The following LRP2 variants were observed in gnomAD, a reference collection of about 807,000 sequenced individuals.
LRP2 encodes LDL receptor related protein 2.
LRP2 carries 172 observed loss-of-function variants against 531.0 expected under a neutral mutation model. The observed-to-expected ratio is 0.32, with a 90% CI of 0.29 to 0.37. The LOEUF is 0.37. LRP2 is among the 10% of genes least tolerant of loss of function. The probability of loss-of-function intolerance (pLI) is 1.00; values close to 1 mark genes in which losing one functional copy is unlikely to be tolerated. For missense variants in LRP2, 5,167 were observed against 5,868.3 expected, an observed-to-expected ratio of 0.88 and a Z score of 3.90; for synonymous variants, 1,992 against 2,027.6, an observed-to-expected ratio of 0.98 and a Z score of 0.47.
chr2:169,310,849 T>C (rs1421247624), intron 3 of LRP2, among the ~76,000 whole-genome samples: 1 of 152,228 alleles, frequency 6.6e-6, no homozygotes, highest in African/African-American at 2.4e-5. Context: ...TTTTGGTTGG[T>C]AGCCTCTTAA....
At chr2:169,262,580 T>C (rs1412269522) in intron 16 of LRP2, among the ~76,000 whole-genome samples, 1 of 149,816 alleles carries the variant, frequency 6.7e-6, no homozygotes, top group African/African-American at 2.4e-5. Flanking sequence ...AAACCACTGC[T>C]CAATGAAATA....
chr2:169,272,254 G>C (rs547448292), intron 15 of LRP2, among the ~76,000 whole-genome samples: 29 of 152,190 alleles, frequency 1.9e-4, no homozygotes, highest in African/African-American at 7.0e-4. Context: ...CTGGGGCCCA[G>C]GCGATGGCTT....
chr2:169,203,246 G>A (rs773753954), intron 42 of LRP2, among the ~76,000 whole-genome samples: 23 of 152,156 alleles, frequency 1.5e-4, no homozygotes, highest in Non-Finnish European at 2.6e-4. Flanking sequence ...ACATCTTCCC[G>A]TGAATTTGTT....
At chr2:169,243,569 C>G in intron 22 of LRP2, 47 bp from the exon 23 acceptor site, 1 of 1,612,502 alleles carries the variant, frequency 6.2e-7, no homozygotes, top group South Asian at 1.1e-5. Flanking sequence ...TCCTGTGCAA[C>G]AAGTACCAGA....
chr2:169,138,635 ATGTT>A lies in LRP2; in HGVS notation c.13456_13459del (p.Asn4486TrpfsTer20). The A allele has an allele frequency of 1.2e-6, 2 of 1,614,012 alleles. No individual in the cohort carries two copies. Among genetic ancestry groups the A allele is most frequent in the Admixed American group, 3.3e-5 (2 of 60,014 alleles). On this transcript the variant is annotated frameshift_variant, in exon 75 of 79. Coordinates refer to ENST00000649046, the MANE Select transcript of LRP2 (RefSeq NM_004525.3). LOFTEE classifies it high-confidence loss of function. ...TCCAAAACCAGACACTCCAATATCCATGTTAAGATCTGCCCCTGATCTGAAGGTC... is the reference window on the plus strand; with the variant it reads ...TCCAAAACCAGACACTCCAATATCCAAAGATCTGCCCCTGATCTGAAGGTC...
intron 74 of LRP2, among the ~76,000 whole-genome samples, 189 bp from the exon 75 acceptor site, chr2:169,138,895 T>G (rs552294525): frequency 2.0e-5 from 3 of 152,172 alleles, no homozygotes; most frequent in African/African-American, 7.2e-5. Flanking sequence ...CCTGGAAACG[T>G]TAAAGCACAT....
chr2:169,167,598 T>C (rs1686830368), intron 61 of LRP2, among the ~76,000 whole-genome samples: 3 of 152,268 alleles, frequency 2.0e-5, no homozygotes, highest in South Asian at 4.1e-4. Flanking sequence ...TTTGAGTTAA[T>C]GCCTTTCCTT....
intron 77 of LRP2, among the ~76,000 whole-genome samples, chr2:169,130,180 A>G (rs562577739): frequency 1.4e-3 from 210 of 152,342 alleles, no homozygotes; most frequent in African/African-American, 4.7e-3. Flanking sequence ...GGCTAACTTG[A>G]AGTTAAGCAA....
At chr2:169,309,076 T>A (rs1248345143) in intron 3 of LRP2, among the ~76,000 whole-genome samples, 1 of 152,220 alleles carries the variant, frequency 6.6e-6, no homozygotes, top group Non-Finnish European at 1.5e-5. Flanking sequence ...GGTTGTTTGT[T>A]TTTTTCTTGT....
intron 54 of LRP2, among the ~76,000 whole-genome samples, chr2:169,176,101 T>G (rs1241409234): frequency 6.6e-6 from 1 of 152,206 alleles, no homozygotes; most frequent in Non-Finnish European, 1.5e-5. Flanking sequence ...CTAGGGACAA[T>G]TTTTCAGTAT....
At chr2:169,178,309 G>A (rs531503124) in intron 52 of LRP2, among the ~76,000 whole-genome samples, 28 of 152,256 alleles carry the variant, frequency 1.8e-4, no homozygotes, top group African/African-American at 5.3e-4. Context: ...GCTTTCCTGC[G>A]GATGAAGCTG....
intron 3 of LRP2, among the ~76,000 whole-genome samples, chr2:169,308,409 T>A (rs1356684339): frequency 6.6e-6 from 1 of 152,102 alleles, no homozygotes; most frequent in Non-Finnish European, 1.5e-5. Flanking sequence ...TTTGTGATGT[T>A]CCCCATCCTG....
At chr2:169,291,105 A>G in intron 7 of LRP2, 108 bp from the exon 8 acceptor site, 1 of 929,032 alleles carries the variant, frequency 1.1e-6, no homozygotes, top group Non-Finnish European at 1.7e-6. Flanking sequence ...AGAGAAATCT[A>G]TAAATGATCT....
At chr2:169,248,518 C>T (rs1276398259) in intron 19 of LRP2, among the ~76,000 whole-genome samples, 1 of 152,208 alleles carries the variant, frequency 6.6e-6, no homozygotes, top group Non-Finnish European at 1.5e-5. Flanking sequence ...CTGTGTGGTG[C>T]ACAATCAAGA....
intron 63 of LRP2, among the ~76,000 whole-genome samples, chr2:169,158,061 T>TACACACACACACACACAC (rs61381788): frequency 1.5e-4 from 21 of 141,476 alleles, no homozygotes; most frequent in East Asian, 8.3e-4. Flanking sequence ...ATTGATTATA[T>TACACACACACACACACAC]ACACACACAC....
rs1241361657 is a variant in LRP2, at chr2:169,362,529, A to G, written c.-130T>C. 6.2e-6 allele frequency: 5 copies of G among 812,372 alleles called. No individual in the cohort carries two copies. The highest frequency in any genetic ancestry group is 1.0e-5 in the Non-Finnish European group (5 of 494,582). 50.3% of individuals were successfully genotyped at this position (812,372 alleles called of 1,614,324 possible). On this transcript the variant is annotated 5_prime_UTR_variant, in exon 1 of 79. Transcript: ENST00000649046. Reference sequence around the variant, plus strand: ...ACCTCCGCCAGCTCCTAGTGGCCAAAAGCCTGCCCCCACGCCCGAGGCATC... The same window carrying G: ...ACCTCCGCCAGCTCCTAGTGGCCAAGAGCCTGCCCCCACGCCCGAGGCATC...
chr2:169,290,935 G>T lies in LRP2; in HGVS notation c.832C>A (p.Arg278=), dbSNP rs1358532875. The T allele has an allele frequency of 1.2e-6, 2 of 1,613,940 alleles. No individual in the cohort carries two copies. Among genetic ancestry groups the T allele is most frequent in the South Asian group, 1.1e-5 (1 of 91,072 alleles). The stretch of plus-strand genomic sequence containing the variant: ...CAAACTTTATAAATGGAGATGCATC[G>T]TCCCGACTCTGGGCAAGACCATTCT... ...PREWSCPESG[R]CISIYKVCDG... The change falls in exon 8 of 79, where the codon CGA becomes AGA. Residue 278 remains arginine, a synonymous_variant. Coordinates refer to ENST00000649046, the MANE Select transcript of LRP2 (RefSeq NM_004525.3).
chr2:169,206,089 C>A lies in LRP2; in HGVS notation c.7490G>T (p.Gly2497Val). The A allele has an allele frequency of 6.2e-7, 1 of 1,614,134 alleles. No homozygotes were observed. Among genetic ancestry groups the A allele is most frequent in the Non-Finnish European group, 8.5e-7 (1 of 1,180,030 alleles). Reference sequence around the variant, plus strand: ...GCGGGCTATCACAGTGCGGTTAGACCCATCTTCAGCCATGGAATTAATCAT... The same window carrying A: ...GCGGGCTATCACAGTGCGGTTAGACACATCTTCAGCCATGGAATTAATCAT... ...NQMINSMAED[G>V]SNRTVIARVP... The change falls in exon 40 of 79, where the codon GGG becomes GTG. Residue 2497 changes from glycine to valine, a missense_variant. This residue lies in a region of LRP2 where 1,129 missense variants were observed against 1,362.7 expected (regional missense o/e 0.83). Coordinates refer to ENST00000649046, the MANE Select transcript of LRP2 (RefSeq NM_004525.3).
chr2:169,206,107 T>A lies in LRP2; in HGVS notation c.7472A>T (p.Asn2491Ile), dbSNP rs754565386. ...GTTAGACCCATCTTCAGCCATGGAATTAATCATCTGGTTGAGGTAGTCACT... is the reference window on the plus strand; with the variant it reads ...GTTAGACCCATCTTCAGCCATGGAAATAATCATCTGGTTGAGGTAGTCACT... ...YYSDYLNQMINSMAEDGSNRT... is the reference protein window; with the variant it reads ...YYSDYLNQMIISMAEDGSNRT... Residue 2491 changes from asparagine to isoleucine, a missense_variant, in exon 40 of 79, where the codon AAT becomes ATT. Physicochemically the swap from Asn to Ile is moderately radical, Grantham distance 149. Around this residue, in one of 6 missense-constraint regions of LRP2, gnomAD observed 1,129 missense variants for 1,362.7 expected, o/e 0.83. Coordinates refer to ENST00000649046, the MANE Select transcript of LRP2 (RefSeq NM_004525.3). 30 of 1,614,114 alleles carry A rather than the reference T, an allele frequency of 1.9e-5. 1 individual carries two copies. In the Admixed American group the frequency reaches 4.8e-4, roughly 26 times the overall value.
Sources: gnomAD v4.1 joint callset for allele counts (sites outside exome capture counted in the v4.1 genomes callset) on GRCh38, gnomAD v4.1.1 for gene constraint, gnomAD v4.1.1 regional missense constraint, MANE v1.5 for transcripts, NCBI Gene and HGNC (gene_info 2026-07-23, HGNC 2026-07-21) for gene names.